Variants in ANO10 observed in about 807,000 individuals in gnomAD.
The protein encoded by ANO10 is anoctamin-10.
ANO10 carries 77 observed loss-of-function variants against 74.7 expected under a neutral mutation model. The ratio of observed to expected loss-of-function variants is 1.03; its 90% CI spans 0.86 to 1.25. ANO10 has a LOEUF of 1.25. Ranked by LOEUF, ANO10 falls within the 50% of genes most tolerant of loss-of-function variation. ANO10 has a pLI of 0.00. For synonymous variants in ANO10, 279 were observed against 284.9 expected, an observed-to-expected ratio of 0.98 and a Z score of 0.21; for missense variants, 721 against 778.1, an observed-to-expected ratio of 0.93 and a Z score of 0.87.
chr3:43,540,856 G>T (rs2078924368), intron 11 of ANO10, among the ~76,000 whole-genome samples: 2 of 152,104 alleles, frequency 1.3e-5, no homozygotes, highest in South Asian at 2.1e-4. Context: ...CTGAAGCCAG[G>T]GATGTATCAT....
chr3:43,415,545 C>CTTTTTTT lies in ANO10; in HGVS notation c.1914+17059_1914+17065dup, dbSNP rs538224235. Reference sequence around the variant, plus strand: ...GTTCTTATTTTTTCTTTCTTTCTTTCTTTTTTTTTTGAGATGTAGTCTTGC... The same window carrying CTTTTTTT: ...GTTCTTATTTTTTCTTTCTTTCTTTCTTTTTTTTTTTTTTTTTGAGATGTAGTCTTGC... On this transcript the variant is annotated intron_variant, in intron 12 of 12. Transcript: ENST00000292246. Among the ~76,000 whole-genome samples the CTTTTTTT allele has an allele frequency of 3.2e-3, 476 of 147,324 alleles. 2 individuals are homozygous for CTTTTTTT. The highest frequency in any genetic ancestry group is 0.011 in the African/African-American group (457 of 39,822).
At chr3:43,615,076 C>T (rs1482653) in intron 1 of ANO10, among the ~76,000 whole-genome samples, 117,517 of 151,210 alleles carry the variant, frequency 0.78, 46,217 homozygotes, top group East Asian at 0.89. Context: ...TATAAATATA[C>T]ATAATAAATA....
chr3:43,453,239 C>T (rs951807862), intron 11 of ANO10, among the ~76,000 whole-genome samples: 3 of 146,320 alleles, frequency 2.1e-5, no homozygotes, highest in African/African-American at 5.1e-5. Context: ...AGTGCAGTGG[C>T]GTGATCTTGG....
intron 3 of ANO10, among the ~76,000 whole-genome samples, chr3:43,599,440 T>C (rs2082235346): frequency 6.6e-6 from 1 of 152,180 alleles, no homozygotes; most frequent in African/African-American, 2.4e-5. Context: ...GCCAGAAAAT[T>C]CAGGAAATGA....
At chr3:43,496,419 A>G (rs77077747) in intron 11 of ANO10, among the ~76,000 whole-genome samples, 91 of 152,046 alleles carry the variant, frequency 6.0e-4, no homozygotes, top group Non-Finnish European at 1.1e-3. Flanking sequence ...AGAAACCAAA[A>G]CCTAATTTAA....
chr3:43,434,304 C>G (rs1017950092), intron 11 of ANO10, among the ~76,000 whole-genome samples: 4 of 152,132 alleles, frequency 2.6e-5, no homozygotes, highest in African/African-American at 7.2e-5. Flanking sequence ...CAGCATGGAC[C>G]AGATGATACC....
intron 1 of ANO10, chr3:43,690,889 C>A: frequency 7.7e-7 from 1 of 1,294,020 alleles, no homozygotes; most frequent in Non-Finnish European, 1.0e-6. Context: ...AAGACGCATG[C>A]GCTGGCGGCC....
intron 1 of ANO10, among the ~76,000 whole-genome samples, chr3:43,660,550 G>A (rs56894920): frequency 0.11 from 16,057 of 152,126 alleles, 1,207 homozygotes; most frequent in South Asian, 0.23. Flanking sequence ...TTAGAGAAAA[G>A]AGAGTGAAAA....
intron 7 of ANO10, among the ~76,000 whole-genome samples, chr3:43,566,973 C>T (rs1039626843): frequency 2.6e-5 from 4 of 152,080 alleles, no homozygotes; most frequent in Non-Finnish European, 4.4e-5. Flanking sequence ...ATAACCAATA[C>T]AGAGAAGTGC....
At chr3:43,629,030 C>A (rs1559376456) in intron 1 of ANO10, among the ~76,000 whole-genome samples, 2 of 152,208 alleles carry the variant, frequency 1.3e-5, no homozygotes, top group African/African-American at 4.8e-5. Context: ...CACACTCCCT[C>A]CCCTTTTGAA....
chr3:43,492,350 T>A (rs967649854), intron 11 of ANO10, among the ~76,000 whole-genome samples: 1 of 152,200 alleles, frequency 6.6e-6, no homozygotes, highest in Non-Finnish European at 1.5e-5. Flanking sequence ...GAAGAAAACC[T>A]GTCCAATACC....
intron 1 of ANO10, among the ~76,000 whole-genome samples, chr3:43,634,408 C>G (rs551097572): frequency 2.6e-5 from 4 of 152,106 alleles, no homozygotes; most frequent in African/African-American, 9.6e-5. Context: ...TCCCAACCAC[C>G]CAGTCTTTCT....
intron 11 of ANO10, among the ~76,000 whole-genome samples, chr3:43,432,942 T>TTA (rs2093008290): frequency 8.5e-6 from 1 of 117,652 alleles, no homozygotes; most frequent in African/African-American, 3.2e-5. Flanking sequence ...CTTTGCTTAA[T>TTA]TCTTTTTTTT....
At chr3:43,561,130 G>C (rs1200384187) in intron 9 of ANO10, 90 bp downstream of exon 9, 1 of 1,427,452 alleles carries the variant, frequency 7.0e-7, no homozygotes, top group Admixed American at 1.7e-5. Context: ...AGTCACATCT[G>C]AGATCATGAA....
rs71616100 is a variant in ANO10, at chr3:43,535,267, CTTTTTT to C, written c.1797+14447_1797+14452del. Among the ~76,000 whole-genome samples the C allele has an allele frequency of 7.4e-5, 8 of 107,876 alleles. No individual in the cohort carries two copies. The South Asian group carries it at 1.3e-3, about 17-fold the overall frequency. 70.8% of individuals were successfully genotyped at this position (107,876 alleles called of 152,430 possible). A position where few individuals can be genotyped will look rare whatever the true frequency, so the allele number is the denominator to read the frequency against. On this transcript the variant is annotated intron_variant, in intron 11 of 12. Coordinates refer to ENST00000292246, the MANE Select transcript of ANO10 (RefSeq NM_018075.5). ...AAGTAAACCACCATACCTAGACATTCTTTTTTTTTTTTTTTTTTTTTGAAGGGGGGA... is the reference window on the plus strand; with the variant it reads ...AAGTAAACCACCATACCTAGACATTCTTTTTTTTTTTTTTTGAAGGGGGGA...
At chr3:43,476,252 C>CA (rs1012260156) in intron 11 of ANO10, among the ~76,000 whole-genome samples, 4 of 151,876 alleles carry the variant, frequency 2.6e-5, no homozygotes, top group Non-Finnish European at 5.9e-5. Flanking sequence ...AAGAAAATTC[C>CA]AAAAAATAAT....
intron 1 of ANO10, among the ~76,000 whole-genome samples, chr3:43,685,407 A>G (rs2084262240): frequency 6.6e-6 from 1 of 152,226 alleles, no homozygotes; most frequent in African/African-American, 2.4e-5. Context: ...CTGCCATAGT[A>G]TTCCATATTA....
intron 1 of ANO10, chr3:43,639,095 G>C (rs989285808): frequency 1.3e-5 from 2 of 152,334 alleles, no homozygotes; most frequent in African/African-American, 4.8e-5. Flanking sequence ...TGCAGAGGGA[G>C]GGCTCAGAGA....
At chr3:43,441,101 T>G (rs969036947) in intron 11 of ANO10, among the ~76,000 whole-genome samples, 1 of 151,164 alleles carries the variant, frequency 6.6e-6, no homozygotes, top group Non-Finnish European at 1.5e-5. Context: ...AAAAGAAAGA[T>G]CTCAAGTCAA....
Sources: gnomAD v4.1 joint callset for allele counts (sites outside exome capture counted in the v4.1 genomes callset) on GRCh38, gnomAD v4.1.1 for gene constraint, MANE v1.5 for transcripts, NCBI Gene and HGNC (gene_info 2026-07-23, HGNC 2026-07-21) for gene names.